The following GRIA2 variants were observed in gnomAD, a reference collection of about 807,000 sequenced individuals.
GRIA2 encodes the protein glutamate receptor 2.
In GRIA2, 14 loss-of-function variants were observed where a neutral mutation model predicts 97.3. The ratio of observed to expected loss-of-function variants is 0.14; its 90% CI spans 0.10 to 0.23. The LOEUF (loss-of-function observed/expected upper bound fraction) is 0.23. Ranked by LOEUF, GRIA2 falls within the 10% of genes least tolerant of loss-of-function variation. The pLI, the probability that GRIA2 is intolerant of heterozygous loss-of-function variation, is 1.00. For synonymous variants in GRIA2, 412 were observed against 387.8 expected, an observed-to-expected ratio of 1.06 and a Z score of -0.73; for missense variants, 558 against 1,069.8, an observed-to-expected ratio of 0.52 and a Z score of 6.67.
chr4:157,362,483 C>A (rs576198977), intron 14 of GRIA2: 2 of 488,038 alleles, frequency 4.1e-6, no homozygotes, highest in African/African-American at 3.9e-5. Context: ...ATTTTTCCCA[C>A]GGTAATGGAA....
At chr4:157,349,189 T>A (rs769314487) in intron 12 of GRIA2, among the ~76,000 whole-genome samples, 2 of 152,152 alleles carry the variant, frequency 1.3e-5, no homozygotes, top group Non-Finnish European at 2.9e-5. Flanking sequence ...GTAAGAAATG[T>A]AGAAAGTATC....
intron 2 of GRIA2, among the ~76,000 whole-genome samples, chr4:157,234,699 T>C (rs970590807): frequency 3.9e-5 from 6 of 152,168 alleles, no homozygotes; most frequent in Admixed American, 3.3e-4. Flanking sequence ...TTTATGCATC[T>C]TGCTGCTGGT....
At chr4:157,357,195 A>T (rs1441035827) in intron 12 of GRIA2, among the ~76,000 whole-genome samples, 1 of 152,164 alleles carries the variant, frequency 6.6e-6, no homozygotes, top group Non-Finnish European at 1.5e-5. Flanking sequence ...TCTCAGTAAG[A>T]ATGTCATCAG....
At chr4:157,260,693 C>T (rs1270083611) in intron 2 of GRIA2, among the ~76,000 whole-genome samples, 1 of 151,902 alleles carries the variant, frequency 6.6e-6, no homozygotes, top group Non-Finnish European at 1.5e-5. Context: ...CAATTGCTAT[C>T]ACTTTGGAAA....
chr4:157,300,730 A>G (rs965883794), intron 2 of GRIA2, among the ~76,000 whole-genome samples: 1 of 152,144 alleles, frequency 6.6e-6, no homozygotes, highest in African/African-American at 2.4e-5. Flanking sequence ...TCACTGGAGA[A>G]TTAGCTGAAG....
At chr4:157,227,722 TAA>T (rs1386373195) in intron 2 of GRIA2, among the ~76,000 whole-genome samples, 4 of 152,226 alleles carry the variant, frequency 2.6e-5, no homozygotes, top group Non-Finnish European at 5.9e-5. Context: ...CAGATTTCAT[TAA>T]GTGTTTGCTC....
At chr4:157,253,819 A>G (rs1428853023) in intron 2 of GRIA2, among the ~76,000 whole-genome samples, 1 of 152,096 alleles carries the variant, frequency 6.6e-6, no homozygotes, top group East Asian at 1.9e-4. Flanking sequence ...AATGTTTGTT[A>G]TTATTCTGTT....
chr4:157,314,624 C>A (rs565027104), intron 4 of GRIA2, among the ~76,000 whole-genome samples: 1 of 152,150 alleles, frequency 6.6e-6, no homozygotes, highest in Non-Finnish European at 1.5e-5. Context: ...GGATTCATGA[C>A]TCATCATAAT....
At chr4:157,295,108 A>G (rs1399804292) in intron 2 of GRIA2, among the ~76,000 whole-genome samples, 1 of 152,174 alleles carries the variant, frequency 6.6e-6, no homozygotes, top group Non-Finnish European at 1.5e-5. Context: ...CCAGATAATG[A>G]ATGAAGCCAG....
intron 3 of GRIA2, among the ~76,000 whole-genome samples, chr4:157,311,312 G>A (rs777654012): frequency 1.3e-4 from 20 of 151,736 alleles, no homozygotes; most frequent in Admixed American, 4.6e-4. Context: ...TAAGTATTTC[G>A]CATTTATTAT....
At chr4:157,324,811 A>C (rs1441502447) in intron 6 of GRIA2, among the ~76,000 whole-genome samples, 1 of 152,170 alleles carries the variant, frequency 6.6e-6, no homozygotes, top group Non-Finnish European at 1.5e-5. Flanking sequence ...AGGAAGAAAA[A>C]CTAGGAGATT....
chr4:157,231,192 C>T (rs1327432689), intron 2 of GRIA2, among the ~76,000 whole-genome samples: 3 of 152,086 alleles, frequency 2.0e-5, no homozygotes, highest in African/African-American at 4.8e-5. Context: ...GTGCACACCG[C>T]CACGCCTGGC....
chr4:157,325,212 T>C (rs570760469), intron 6 of GRIA2, among the ~76,000 whole-genome samples: 59 of 152,282 alleles, frequency 3.9e-4, no homozygotes, highest in African/African-American at 1.4e-3. Context: ...ATAAATTTTA[T>C]TCAGTAAATA....
intron 6 of GRIA2, among the ~76,000 whole-genome samples, chr4:157,327,194 C>T (rs1407559686): frequency 1.3e-5 from 2 of 152,032 alleles, no homozygotes; most frequent in African/African-American, 4.8e-5. Flanking sequence ...TCTTATTAGC[C>T]TTAAATCTCA....
intron 5 of GRIA2, among the ~76,000 whole-genome samples, chr4:157,318,345 G>GA (rs1351552785): frequency 6.6e-6 from 1 of 151,936 alleles, no homozygotes; most frequent in African/African-American, 2.4e-5. Context: ...AATTAAACCT[G>GA]AAAAAATCTA....
At position 157,305,663 on chromosome 4, in the gene GRIA2, A is replaced by G. The variant is rs146860778; in HGVS notation, c.469+1872A>G. 2.3e-3 allele frequency among the ~76,000 whole-genome samples: 349 copies of G among 152,170 alleles called. No homozygotes were observed. In the Middle Eastern group the frequency reaches 0.027, roughly 12 times the overall value. On this transcript the variant is annotated intron_variant, in intron 3 of 15. Transcript: ENST00000264426. Reference sequence around the variant, plus strand: ...ACTTCAAATCTCTGCCTGTATCACTAATTCTTACTCCTCCTTGAGAACTGG... The same window carrying G: ...ACTTCAAATCTCTGCCTGTATCACTGATTCTTACTCCTCCTTGAGAACTGG...
intron 2 of GRIA2, among the ~76,000 whole-genome samples, chr4:157,293,262 G>A (rs1351830491): frequency 2.0e-5 from 3 of 152,128 alleles, no homozygotes; most frequent in Non-Finnish European, 4.4e-5. Context: ...CATGTTCACT[G>A]CAGCCTTGTT....
At chr4:157,278,828 C>T (rs2080089456) in intron 2 of GRIA2, among the ~76,000 whole-genome samples, 2 of 151,900 alleles carry the variant, frequency 1.3e-5, no homozygotes, top group Admixed American at 1.3e-4. Context: ...ACACACATCT[C>T]ATTGAAGAAG....
intron 6 of GRIA2, among the ~76,000 whole-genome samples, chr4:157,326,863 TGA>T (rs1262683683): frequency 6.6e-6 from 1 of 152,138 alleles, no homozygotes; most frequent in East Asian, 1.9e-4. Context: ...AGGAGAGTGC[TGA>T]TCATGGCTTT....
Sources: allele counts gnomAD v4.1 joint callset (sites outside exome capture counted in the v4.1 genomes callset), GRCh38; gene constraint gnomAD v4.1.1; transcripts MANE v1.5; gene names NCBI Gene and HGNC (gene_info 2026-07-23, HGNC 2026-07-21).